The following DAB2IP variants were observed in gnomAD, a reference collection of about 807,000 sequenced individuals.
DAB2IP encodes disabled homolog 2-interacting protein.
DAB2IP carries 28 observed loss-of-function variants against 107.2 expected under a neutral mutation model. The ratio of observed to expected loss-of-function variants is 0.26; its 90% CI spans 0.19 to 0.36. DAB2IP has a LOEUF of 0.36. Ranked by LOEUF, DAB2IP falls within the 10% of genes least tolerant of loss-of-function variation. DAB2IP has a pLI of 1.00. For missense variants in DAB2IP, 1,400 were observed against 1,644.7 expected (o/e 0.85, Z 2.57); for synonymous variants, 755 against 706.4 (o/e 1.07, Z -1.09).
In DAB2IP at chr9:121,756,423, C is replaced by T. The variant is rs1452105660; in HGVS notation, c.363-590C>T. On this transcript the variant is annotated intron_variant, in intron 3 of 15. Transcript: ENST00000408936. ...GTGTGTCTTGGGTACTGTGCAGAGA[C>T]TGCTGCATCCCTTCTGCTTCGAGAC... is the stretch of plus-strand genomic sequence containing the variant. 5.3e-5 allele frequency among the ~76,000 whole-genome samples: 8 copies of T among 152,352 alleles called. No homozygotes were observed. The South Asian group carries it at 1.0e-3, about 20-fold the overall frequency.
intron 1 of DAB2IP, among the ~76,000 whole-genome samples, chr9:121,658,378 C>T (rs748620638): frequency 6.6e-6 from 1 of 152,204 alleles, no homozygotes; most frequent in Non-Finnish European, 1.5e-5. Context: ...CTATTTCCCT[C>T]TGCCTCCTCT....
intron 1 of DAB2IP, among the ~76,000 whole-genome samples, chr9:121,620,724 T>C (rs745837909): frequency 2.0e-5 from 3 of 152,122 alleles, no homozygotes; most frequent in Non-Finnish European, 2.9e-5. Context: ...GATGTTTCTC[T>C]ATTGAGACTT....
chr9:121,651,413 G>C (rs565024040), upstream of DAB2IP, among the ~76,000 whole-genome samples: 50 of 152,266 alleles, frequency 3.3e-4, no homozygotes, highest in African/African-American at 1.2e-3. This position sits in a 1 kb window ranked among gnomAD's most constrained non-coding sequence, Gnocchi z 5.1. Context: ...GTCGACGGTC[G>C]AACCCTCGGG....
At chr9:121,778,467 T>G (rs1376526637) in intron 14 of DAB2IP, among the ~76,000 whole-genome samples, 1 of 152,274 alleles carries the variant, frequency 6.6e-6, no homozygotes, top group Non-Finnish European at 1.5e-5. Context: ...TTTGACCATT[T>G]ACATTTAATG....
At chr9:121,658,147 C>T (rs545254904) in intron 1 of DAB2IP, among the ~76,000 whole-genome samples, 24 of 152,300 alleles carry the variant, frequency 1.6e-4, no homozygotes, top group Middle Eastern at 6.8e-3. Context: ...GACACAAACA[C>T]GCTCACATCC....
At chr9:121,595,176 C>A (rs561720745) in intron 1 of DAB2IP, among the ~76,000 whole-genome samples, 1 of 151,856 alleles carries the variant, frequency 6.6e-6, no homozygotes, top group African/African-American at 2.4e-5. Context: ...TATTAAAATA[C>A]GGAAACTGAA....
At chr9:121,641,931 TTCTTTCTC>T (rs1280534706) in intron 1 of DAB2IP, among the ~76,000 whole-genome samples, 2 of 140,704 alleles carry the variant, frequency 1.4e-5, no homozygotes, top group Non-Finnish European at 3.1e-5. Context: ...CTTTCTTTCT[TTCTTTCTC>T]TCTTTCTTTC....
rs925455468 is a variant in DAB2IP at position 121,776,640 on chromosome 9, G to A, written c.3314+249G>A. Among the ~76,000 whole-genome samples the A allele has an allele frequency of 6.6e-6, 1 of 152,168 alleles. No individual in the cohort carries two copies. The highest frequency in any genetic ancestry group is 2.4e-5 in the African/African-American group (1 of 41,436). ...GCTGGACCAATGACAGCTGGCTCCC[G>A]ACGGGCCTGAGCCTCTACAAGGAGC... On this transcript the variant is annotated intron_variant, in intron 14 of 15. Transcript: ENST00000408936. This position sits in a 1 kb window ranked among gnomAD's most constrained non-coding sequence, Gnocchi z 5.4.
rs1050331481 is a variant in DAB2IP, at chr9:121,760,741, C to T, written c.1170+302C>T. ...GCTGCAGAGGACCGACCCCCTGAGG[C>T]GCCAGGGGAACAGGCTGGGTGGCCA... On this transcript the variant is annotated intron_variant, in intron 6 of 15. Transcript: ENST00000408936. The surrounding 1 kb of genome is among the most constrained non-coding windows in gnomAD (Gnocchi z 5.9). 2.0e-5 allele frequency among the ~76,000 whole-genome samples: 3 copies of T among 152,070 alleles called. No individual in the cohort carries two copies. The highest frequency in any genetic ancestry group is 2.1e-4 in the South Asian group (1 of 4,816).
chr9:121,776,127 C>G lies in DAB2IP; in HGVS notation c.3121-71C>G. Reference sequence around the variant, plus strand: ...GTGGGGCTCCCTCCTACCCTTCCTCCCACTCGGGCTGACGAAGCTGTGCTC... The same window carrying G: ...GTGGGGCTCCCTCCTACCCTTCCTCGCACTCGGGCTGACGAAGCTGTGCTC... On this transcript the variant is annotated intron_variant, in intron 13 of 15. Coordinates refer to ENST00000408936, the Ensembl canonical transcript of DAB2IP. This position sits in a 1 kb window ranked among gnomAD's most constrained non-coding sequence, Gnocchi z 5.4. 1 of 1,520,940 alleles carries G rather than the reference C, an allele frequency of 6.6e-7. No homozygotes were observed. The highest frequency in any genetic ancestry group is 1.2e-5 in the South Asian group (1 of 80,920). 94.2% of individuals were successfully genotyped at this position (1,520,940 alleles called of 1,614,324 possible). A position where few individuals can be genotyped will look rare whatever the true frequency, so the allele number is the denominator to read the frequency against.
chr9:121,724,160 C>G (rs898861621), intron 3 of DAB2IP, among the ~76,000 whole-genome samples: 2 of 152,082 alleles, frequency 1.3e-5, no homozygotes, highest in South Asian at 4.1e-4. Flanking sequence ...GACCCTGCAC[C>G]GAGCCCTAGA....
In DAB2IP at chr9:121,772,638, A is replaced by T; in HGVS notation, c.2110A>T (p.Thr704Ser). The change falls in exon 12 of 16, where the codon ACC (threonine) becomes TCC (serine). Residue 704 changes from threonine (T) to serine (S), a missense_variant. Transcript: ENST00000408936. This position sits in a 1 kb window ranked among gnomAD's most constrained non-coding sequence, Gnocchi z 4.7. Reference sequence around the variant, plus strand: ...AGATTTCACCCGGTTACCGTCTCCAACCCCCGAAAACAAGGACTTGTTTTT... The same window carrying T: ...AGATTTCACCCGGTTACCGTCTCCATCCCCCGAAAACAAGGACTTGTTTTT... The T allele has an allele frequency of 6.2e-7, 1 of 1,613,682 alleles. No individual in the cohort carries two copies. The highest frequency in any genetic ancestry group is 8.5e-7 in the Non-Finnish European group (1 of 1,179,836).
intron 1 of DAB2IP, among the ~76,000 whole-genome samples, chr9:121,669,348 G>A (rs1234775706): frequency 1.3e-5 from 2 of 152,140 alleles, no homozygotes; most frequent in African/African-American, 2.4e-5. Flanking sequence ...ACTATAGGAC[G>A]GATCCTCCAG....
At chr9:121,641,081 T>A (rs1832271254) in intron 1 of DAB2IP, among the ~76,000 whole-genome samples, 1 of 141,690 alleles carries the variant, frequency 7.1e-6, no homozygotes, top group South Asian at 2.5e-4. Context: ...ACTCCTTGGC[T>A]ATGGGGGATG....
upstream of DAB2IP, among the ~76,000 whole-genome samples, chr9:121,647,955 C>T (rs1252314308): frequency 6.6e-6 from 1 of 151,652 alleles, no homozygotes; most frequent in Non-Finnish European, 1.5e-5. Flanking sequence ...TCCCAGAAAC[C>T]TGGATGGGAA....
intron 3 of DAB2IP, among the ~76,000 whole-genome samples, chr9:121,716,434 T>C (rs1191981686): frequency 6.6e-6 from 1 of 152,212 alleles, no homozygotes; most frequent in African/African-American, 2.4e-5. Context: ...CCCTGTCCCT[T>C]GCGAAATATA....
intron 3 of DAB2IP, chr9:121,751,016 G>A (rs900969532): frequency 2.3e-5 from 4 of 170,822 alleles, no homozygotes; most frequent in East Asian, 1.8e-4. Flanking sequence ...TGTATCCCCC[G>A]GTCCTTCCTT....
At chr9:121,631,962 G>A (rs1831904794) in intron 1 of DAB2IP, among the ~76,000 whole-genome samples, 1 of 152,156 alleles carries the variant, frequency 6.6e-6, no homozygotes, top group African/African-American at 2.4e-5. Flanking sequence ...GGAGAGGATG[G>A]GCGGGAGGCT....
At chr9:121,765,210 C>G (rs1834192287) in intron 8 of DAB2IP, among the ~76,000 whole-genome samples, 1 of 151,826 alleles carries the variant, frequency 6.6e-6, no homozygotes, top group Admixed American at 6.5e-5. Flanking sequence ...CCCCCTCCCC[C>G]TCTTCCAGGG....
Sources: allele counts gnomAD v4.1 joint callset (sites outside exome capture counted in the v4.1 genomes callset), GRCh38; gene constraint gnomAD v4.1.1; non-coding constraint Gnocchi (gnomAD v3.1); transcripts MANE v1.5; gene names NCBI Gene and HGNC (gene_info 2026-07-23, HGNC 2026-07-21).